TENM4: variants seen among roughly 807,000 people sequenced by gnomAD.
TENM4 encodes the protein teneurin-4.
TENM4 carries 82 observed loss-of-function variants against 243.3 expected under a neutral mutation model. The observed-to-expected ratio is 0.34, with a 90% CI of 0.28 to 0.40. The LOEUF is 0.40. Ranked by LOEUF, TENM4 falls within the 10% of genes least tolerant of loss-of-function variation. The probability of loss-of-function intolerance (pLI) is 1.00; values close to 1 mark genes in which losing one functional copy is unlikely to be tolerated. For missense variants in TENM4, 3,138 were observed against 3,673.3 expected, an observed-to-expected ratio of 0.85 and a Z score of 3.77; for synonymous variants, 1,412 against 1,456.3, an observed-to-expected ratio of 0.97 and a Z score of 0.69.
chr11:78,707,025 C>T (rs970280790), intron 27 of TENM4, among the ~76,000 whole-genome samples: 1 of 152,074 alleles, frequency 6.6e-6, no homozygotes, highest in African/African-American at 2.4e-5. Flanking sequence ...AGTGCTGGGA[C>T]CTCCAGCAGC....
chr11:78,711,510 C>T (rs1357135560), intron 26 of TENM4, among the ~76,000 whole-genome samples: 1 of 151,956 alleles, frequency 6.6e-6, no homozygotes, highest in Non-Finnish European at 1.5e-5. Context: ...GAAACTAGGC[C>T]CTGAAATCTG....
rs772435889 is a variant in TENM4 at position 78,856,227 on chromosome 11, T to C, written c.1256-49A>G. ...GACAAAGACATCTCGGTTAGCCACA[T>C]GGGAAACGAGAAACCAGGGCATCTG... is the stretch of plus-strand genomic sequence containing the variant. On this transcript the variant is annotated intron_variant, in intron 10 of 33. Coordinates refer to ENST00000278550, the MANE Select transcript of TENM4 (RefSeq NM_001098816.3). 14 of 1,509,684 alleles carry C rather than the reference T, an allele frequency of 9.3e-6. No individual in the cohort carries two copies. The South Asian group carries it at 1.3e-4, about 14-fold the overall frequency. The allele number at this position is 1,509,684 out of a possible 1,614,324, so 93.5% of individuals were successfully genotyped here. A position where few individuals can be genotyped will look rare whatever the true frequency, so the allele number is the denominator to read the frequency against.
rs565467340 is a variant in TENM4, at chr11:79,170,227, G to T, written c.-162-21421C>A. 2.4e-4 allele frequency among the ~76,000 whole-genome samples: 36 copies of T among 152,266 alleles called. 1 individual carries two copies. The highest frequency in any genetic ancestry group is 8.2e-4 in the African/African-American group (34 of 41,548). The stretch of plus-strand genomic sequence containing the variant: ...TTTCCTTCCAAGTTCATGAAGGCTT[G>T]GGTGGGAAGTTGGGAACATAAGACT... On this transcript the variant is annotated intron_variant, in intron 3 of 33. Coordinates refer to ENST00000278550, the MANE Select transcript of TENM4 (RefSeq NM_001098816.3).
At chr11:79,439,607 C>G (rs1185721710) in intron 1 of TENM4, among the ~76,000 whole-genome samples, 1 of 150,828 alleles carries the variant, frequency 6.6e-6, no homozygotes, top group East Asian at 2.0e-4. Context: ...ACTAGGTGAA[C>G]CCCCCGCCCT....
chr11:79,024,325 C>A (rs1216122608), intron 6 of TENM4, among the ~76,000 whole-genome samples: 1 of 152,158 alleles, frequency 6.6e-6, no homozygotes, highest in African/African-American at 2.4e-5. Context: ...CTTCCAAGAC[C>A]CTGGTTTACA....
intron 1 of TENM4, among the ~76,000 whole-genome samples, chr11:79,418,812 T>C (rs112508069): frequency 6.6e-6 from 1 of 152,224 alleles, no homozygotes; most frequent in Non-Finnish European, 1.5e-5. Context: ...CAACAGGTTG[T>C]CATCTCTTTG....
At chr11:79,039,885 AAC>A (rs1859474588) in intron 6 of TENM4, among the ~76,000 whole-genome samples, 1 of 152,248 alleles carries the variant, frequency 6.6e-6, no homozygotes. Context: ...TAAAGCATTC[AAC>A]ACAGTGTCAG....
intron 12 of TENM4, among the ~76,000 whole-genome samples, chr11:78,824,453 C>T (rs1591050972): frequency 6.6e-6 from 1 of 152,068 alleles, no homozygotes; most frequent in East Asian, 1.9e-4. Flanking sequence ...TCAGAAATCT[C>T]CTCCCATGAT....
chr11:78,669,490 G>C lies in TENM4; in HGVS notation c.6855C>G (p.Gly2285=). The change falls in exon 32 of 34, where the codon GGC becomes GGG. Residue 2285 remains glycine, a synonymous_variant. Transcript: ENST00000278550. The surrounding 1 kb of genome is among the most constrained non-coding windows in gnomAD (Gnocchi z 6.4). ...CGTAGCGGTACCTGACACTCCAGCT[G>C]CCAGCCCGGTTGTAGGCCTTGATGA... ...GLLIKAYNRA[G]SWSVRYRYDG... 6.2e-7 allele frequency: 1 copy of C among 1,613,892 alleles called. No homozygotes were observed. The highest frequency in any genetic ancestry group is 8.5e-7 in the Non-Finnish European group (1 of 1,179,862).
At chr11:79,432,588 T>C (rs1859192053) in intron 1 of TENM4, among the ~76,000 whole-genome samples, 1 of 152,158 alleles carries the variant, frequency 6.6e-6, no homozygotes, top group African/African-American at 2.4e-5. Context: ...GATGTCACAG[T>C]TTGATGAGTA....
At chr11:79,159,206 C>T (rs1234047579) in intron 3 of TENM4, among the ~76,000 whole-genome samples, 5 of 152,106 alleles carry the variant, frequency 3.3e-5, no homozygotes, top group Non-Finnish European at 4.4e-5. Context: ...GAGTCAACAT[C>T]GCTGGGTTTG....
At chr11:79,053,349 T>C (rs1272816620) in intron 6 of TENM4, among the ~76,000 whole-genome samples, 1 of 152,220 alleles carries the variant, frequency 6.6e-6, no homozygotes, top group Non-Finnish European at 1.5e-5. Flanking sequence ...AAGATCACTC[T>C]AGATGTCATG....
chr11:78,847,393 C>T (rs1858422302), intron 12 of TENM4, among the ~76,000 whole-genome samples: 1 of 152,184 alleles, frequency 6.6e-6, no homozygotes, highest in Non-Finnish European at 1.5e-5. Context: ...GGGGTGGGGA[C>T]AGTGGGGAGC....
intron 1 of TENM4, among the ~76,000 whole-genome samples, chr11:79,315,587 C>A (rs1386726688): frequency 6.6e-6 from 1 of 152,190 alleles, no homozygotes; most frequent in African/African-American, 2.4e-5. Context: ...TGTAGACACA[C>A]GGCATCAGGA....
At position 79,148,769 on chromosome 11, in the gene TENM4, T is replaced by C; in HGVS notation, c.-125A>G. 6 of 983,196 alleles carry C rather than the reference T, an allele frequency of 6.1e-6. No individual in the cohort carries two copies. Among genetic ancestry groups the C allele is most frequent in the Non-Finnish European group, 7.2e-6 (6 of 827,652 alleles). 60.9% of individuals were successfully genotyped at this position (983,196 alleles called of 1,614,324 possible). On this transcript the variant is annotated 5_prime_UTR_variant, in exon 4 of 34. Transcript: ENST00000278550. The stretch of plus-strand genomic sequence containing the variant: ...AGTCCTTCAAATAATCCTTGAAGTA[T>C]GCAATTTTAATTTGGACACATGGTA...
chr11:79,222,626 A>T (rs1051756678), intron 2 of TENM4, among the ~76,000 whole-genome samples: 6 of 152,330 alleles, frequency 3.9e-5, no homozygotes, highest in African/African-American at 1.2e-4. Flanking sequence ...CCCACCAACA[A>T]TGTAAAAGCA....
intron 1 of TENM4, among the ~76,000 whole-genome samples, chr11:79,336,853 T>C (rs949983941): frequency 3.9e-5 from 6 of 152,182 alleles, no homozygotes; most frequent in Non-Finnish European, 8.8e-5. Flanking sequence ...GTTGCTGGGA[T>C]TGGGCAGTGT....
chr11:78,695,851 A>ATG (rs56816673), intron 28 of TENM4, among the ~76,000 whole-genome samples: 35,885 of 148,130 alleles, frequency 0.24, 7,276 homozygotes, highest in African/African-American at 0.56. Context: ...ATGGCTAGAA[A>ATG]TGTGTGTGTG....
At chr11:78,694,641 T>C (rs1858911393) in intron 28 of TENM4, among the ~76,000 whole-genome samples, 1 of 152,180 alleles carries the variant, frequency 6.6e-6, no homozygotes, top group Non-Finnish European at 1.5e-5. Flanking sequence ...AGTCAGTCTC[T>C]GTGCTGGTTA....
Sources: allele counts gnomAD v4.1 joint callset (sites outside exome capture counted in the v4.1 genomes callset), GRCh38; gene constraint gnomAD v4.1.1; non-coding constraint Gnocchi (gnomAD v3.1); transcripts MANE v1.5; gene names NCBI Gene and HGNC (gene_info 2026-07-23, HGNC 2026-07-21).